CD300A: variants seen among roughly 807,000 people sequenced by gnomAD.
The protein encoded by CD300A is CD300a molecule.
Under a neutral mutation model 33.6 loss-of-function variants are expected in CD300A, and 22 were observed. That is an observed-to-expected ratio of 0.66 (90% CI 0.47 to 0.94). The LOEUF is 0.94. CD300A is among the 40% of genes least tolerant of loss of function. The pLI is 0.00. For missense variants in CD300A, 326 were observed against 360.5 expected, an observed-to-expected ratio of 0.90 and a Z score of 0.77; for synonymous variants, 136 against 148.1, an observed-to-expected ratio of 0.92 and a Z score of 0.59.
rs1907109487 is a variant in CD300A at position 74,484,237 on chromosome 17, A to G, written c.*111A>G. 3 of 1,204,696 alleles carry G rather than the reference A, an allele frequency of 2.5e-6. No homozygotes were observed. Among genetic ancestry groups the G allele is most frequent in the Non-Finnish European group, 3.5e-6 (3 of 860,678 alleles). The allele number at this position is 1,204,696 out of a possible 1,614,324, so 74.6% of individuals were successfully genotyped here. On this transcript the variant is annotated 3_prime_UTR_variant, in exon 7 of 7. Transcript: ENST00000360141. Reference sequence around the variant, plus strand: ...CAGCCTGCCCTCGACAACAGTGACCAACAGACAGGCAGCTGGGTTTCCCAG... The same window carrying G: ...CAGCCTGCCCTCGACAACAGTGACCGACAGACAGGCAGCTGGGTTTCCCAG...
chr17:74,479,794 C>G (rs756255682), intron 4 of CD300A, among the ~76,000 whole-genome samples: 3 of 152,076 alleles, frequency 2.0e-5, no homozygotes, highest in Non-Finnish European at 4.4e-5. Flanking sequence ...GGCTGACTTC[C>G]CCTTGCCCTG....
At chr17:74,476,623 C>T (rs1029461964) in intron 3 of CD300A, among the ~76,000 whole-genome samples, 10 of 152,194 alleles carry the variant, frequency 6.6e-5, no homozygotes, top group African/African-American at 2.2e-4. Context: ...CTGCATCAGC[C>T]TCCTGGTCAA....
intron 3 of CD300A, among the ~76,000 whole-genome samples, chr17:74,475,195 G>A (rs940594739): frequency 8.5e-5 from 13 of 152,204 alleles, no homozygotes; most frequent in Admixed American, 7.2e-4. Flanking sequence ...CAAGCAAAAG[G>A]GGTTTCCTCT....
chr17:74,470,604 GA>G (rs1438381266), intron 1 of CD300A, among the ~76,000 whole-genome samples: 3 of 152,058 alleles, frequency 2.0e-5, no homozygotes, highest in Non-Finnish European at 4.4e-5. Context: ...TCAGGACAGG[GA>G]GCAGGAACAG....
chr17:74,470,170 T>C, intron 1 of CD300A: 8 of 985,272 alleles, frequency 8.1e-6, no homozygotes, highest in Non-Finnish European at 9.6e-6. Flanking sequence ...TTTGGGGTGG[T>C]GATTCAGGTT....
chr17:74,481,549 C>T (rs1435703962), intron 5 of CD300A, 177 bp from the exon 6 acceptor site: 2 of 656,528 alleles, frequency 3.0e-6, no homozygotes, highest in Non-Finnish European at 5.3e-6. Flanking sequence ...GGAGGCCCTC[C>T]CAGCCAAGCT....
At chr17:74,469,693 G>A (rs2144502764) in intron 1 of CD300A, among the ~76,000 whole-genome samples, 1 of 152,224 alleles carries the variant, frequency 6.6e-6, no homozygotes, top group South Asian at 2.1e-4. Context: ...GCATGGTAGT[G>A]TGCACCCTGT....
chr17:74,481,430 G>A (rs974281070), intron 5 of CD300A, 104 bp downstream of exon 5: 68 of 1,062,660 alleles, frequency 6.4e-5, no homozygotes, highest in Non-Finnish European at 9.3e-5. Flanking sequence ...TGGATGGAGC[G>A]GGGAGCTCAC....
Position 74,466,642 on chromosome 17 carries a change from C to T in CD300A, c.-62C>T. ...GTCGGGGCCTTGGAGGCGTGACTTT[C>T]CCCTCGGGTCCAGGTAGGGCCTGGA... On this transcript the variant is annotated 5_prime_UTR_variant, in exon 1 of 7. Coordinates refer to ENST00000360141, the MANE Select transcript of CD300A (RefSeq NM_007261.4). 1 of 1,543,542 alleles carries T rather than the reference C, an allele frequency of 6.5e-7. No homozygotes were observed. The highest frequency in any genetic ancestry group is 2.4e-5 in the East Asian group (1 of 41,574).
intron 1 of CD300A, among the ~76,000 whole-genome samples, chr17:74,469,452 T>G (rs1905945166): frequency 6.6e-6 from 1 of 152,246 alleles, no homozygotes; most frequent in Non-Finnish European, 1.5e-5. Flanking sequence ...CAGACTTATT[T>G]GCAGAGATTT....
chr17:74,467,779 G>T (rs547728247), intron 1 of CD300A, among the ~76,000 whole-genome samples: 1 of 152,328 alleles, frequency 6.6e-6, no homozygotes, highest in African/African-American at 2.4e-5. Flanking sequence ...ATTCTCTTGG[G>T]TGTTCTTCTG....
chr17:74,474,529 C>T lies in CD300A; in HGVS notation c.380-3C>T. The T allele has an allele frequency of 1.2e-6, 2 of 1,613,716 alleles. No individual in the cohort carries two copies. The highest frequency in any genetic ancestry group is 1.7e-6 in the Non-Finnish European group (2 of 1,179,760). On this transcript the variant is annotated splice_region_variant and splice_polypyrimidine_tract_variant and intron_variant, in intron 2 of 6. Transcript: ENST00000360141. ...TGGGTCTGACTTGTGGTTTTGCCACCAGCATCAACGTCAATGACACCTGCA... is the reference window on the plus strand; with the variant it reads ...TGGGTCTGACTTGTGGTTTTGCCACTAGCATCAACGTCAATGACACCTGCA...
intron 1 of CD300A, among the ~76,000 whole-genome samples, chr17:74,473,321 C>T (rs934224531): frequency 6.6e-6 from 1 of 151,954 alleles, no homozygotes; most frequent in Admixed American, 6.6e-5. Flanking sequence ...GGCACCCAGC[C>T]TGAGCTCTTC....
rs557564870 is a variant in CD300A, at chr17:74,481,309, T to C, written c.649T>C (p.Ser217Pro). The C allele has an allele frequency of 1.1e-5, 18 of 1,613,892 alleles. No homozygotes were observed. In the South Asian group the frequency reaches 2.0e-4, roughly 18 times the overall value. The change falls in exon 5 of 7, where the codon TCC becomes CCC. Residue 217 changes from serine (S) to proline (P), a missense_variant. Ser to Pro is a moderately conservative substitution (Grantham distance 74). Coordinates refer to ENST00000360141, the MANE Select transcript of CD300A (RefSeq NM_007261.4). ...TCTAGCTGGTGACCATTCAGAGCTG[T>C]CCCAGAACCCCAAGCAGGTAAGGGG... ...WIKAGDHSEL[S>P]QNPKQAATQS...
chr17:74,468,009 T>TTTTTTTTATTTA (rs1555636720), intron 1 of CD300A, among the ~76,000 whole-genome samples: 3 of 146,346 alleles, frequency 2.0e-5, no homozygotes, highest in African/African-American at 5.1e-5. Context: ...GCATTTTTAC[T>TTTTTTTTATTTA]TTTATTTATT....
chr17:74,473,033 C>T (rs11869299), intron 1 of CD300A, among the ~76,000 whole-genome samples: 12,993 of 151,940 alleles, frequency 0.086, 723 homozygotes, highest in Non-Finnish European at 0.13. Flanking sequence ...GTGGCCCTCC[C>T]GGGAGTGCAG....
At chr17:74,473,947 C>A in intron 2 of CD300A, 73 bp downstream of exon 2, 1 of 1,515,304 alleles carries the variant, frequency 6.6e-7, no homozygotes, top group Non-Finnish European at 9.0e-7. Flanking sequence ...AGATCAGAGA[C>A]GTGAAGCAGA....
chr17:74,471,782 C>G (rs9904541), intron 1 of CD300A, among the ~76,000 whole-genome samples: 18,474 of 151,920 alleles, frequency 0.12, 1,194 homozygotes, highest in Non-Finnish European at 0.15. Context: ...TTTGGGCAGC[C>G]GTGGGCTGGG....
rs567238353 is a variant in CD300A at position 74,480,484 on chromosome 17, G to A, written c.629-805G>A. On this transcript the variant is annotated intron_variant, in intron 4 of 6. Transcript: ENST00000360141. The surrounding 1 kb of genome is among the most constrained non-coding windows in gnomAD (Gnocchi z 4.2). Reference sequence around the variant, plus strand: ...GCAGCCAAGGGCTGTGTGAGCCTGAGCTGGCGTCCCTGGGGCTGACAGGCC... The same window carrying A: ...GCAGCCAAGGGCTGTGTGAGCCTGAACTGGCGTCCCTGGGGCTGACAGGCC... 6.6e-6 allele frequency among the ~76,000 whole-genome samples: 1 copy of A among 152,328 alleles called. No individual in the cohort carries two copies. Among genetic ancestry groups the A allele is most frequent in the African/African-American group, 2.4e-5 (1 of 41,574 alleles).
Sources: allele counts gnomAD v4.1 joint callset (sites outside exome capture counted in the v4.1 genomes callset), GRCh38; gene constraint gnomAD v4.1.1; non-coding constraint Gnocchi (gnomAD v3.1); transcripts MANE v1.5; gene names NCBI Gene and HGNC (gene_info 2026-07-23, HGNC 2026-07-21).